The following MAP3K7CL variants were observed in gnomAD, a reference collection of about 807,000 sequenced individuals.
The protein encoded by MAP3K7CL is MAP3K7 C-terminal like.
In MAP3K7CL, 16 loss-of-function variants were observed where a neutral mutation model predicts 18.6. That is an observed-to-expected ratio of 0.86 (90% CI 0.58 to 1.31). The LOEUF (loss-of-function observed/expected upper bound fraction) is 1.31. Among genes scored for constraint, MAP3K7CL ranks in the 50% most tolerant of loss-of-function variants. MAP3K7CL has a pLI of 0.00. For synonymous variants in MAP3K7CL, 65 were observed against 66.8 expected (o/e 0.97, Z 0.13); for missense variants, 163 against 174.4 (o/e 0.93, Z 0.37).
intron 1 of MAP3K7CL, among the ~76,000 whole-genome samples, chr21:29,087,085 G>T (rs544164655): frequency 6.6e-6 from 1 of 152,170 alleles, no homozygotes; most frequent in East Asian, 1.9e-4. Context: ...CCTTCTTTTT[G>T]TTCTTGTGAC....
intron 2 of MAP3K7CL, among the ~76,000 whole-genome samples, chr21:29,137,134 T>C (rs2086903735): frequency 2.6e-5 from 4 of 152,210 alleles, no homozygotes; most frequent in South Asian, 2.1e-4. Flanking sequence ...ATTATGATAA[T>C]TGATTGTGGA....
intron 4 of MAP3K7CL, among the ~76,000 whole-genome samples, chr21:29,171,170 T>C (rs1206342688): frequency 6.6e-6 from 1 of 152,214 alleles, no homozygotes; most frequent in African/African-American, 2.4e-5. Flanking sequence ...TATTTCCTCA[T>C]TTTTAAAACA....
intron 3 of MAP3K7CL, among the ~76,000 whole-genome samples, chr21:29,149,938 C>T (rs2087230738): frequency 6.6e-6 from 1 of 152,198 alleles, no homozygotes; most frequent in South Asian, 2.1e-4. Flanking sequence ...TGGCCTTGGG[C>T]CAGCCATTCA....
intron 4 of MAP3K7CL, chr21:29,109,427 T>G: frequency 7.9e-7 from 1 of 1,266,748 alleles, no homozygotes. Context: ...TGTTAAGTAT[T>G]TCACTAAGTG....
At chr21:29,149,360 G>A in intron 3 of MAP3K7CL, 110 bp downstream of exon 3, 1 of 897,938 alleles carries the variant, frequency 1.1e-6, no homozygotes. Flanking sequence ...CCAGAATGTG[G>A]GGCTTTGAAG....
chr21:29,167,882 G>A (rs887388041), intron 4 of MAP3K7CL, among the ~76,000 whole-genome samples: 2 of 151,872 alleles, frequency 1.3e-5, no homozygotes, highest in Non-Finnish European at 2.9e-5. Context: ...TGTATTTTTA[G>A]TAGAGATGGG....
chr21:29,148,430 G>A (rs1007744444), intron 2 of MAP3K7CL, among the ~76,000 whole-genome samples: 1 of 152,094 alleles, frequency 6.6e-6, no homozygotes, highest in Admixed American at 6.5e-5. Context: ...AGAGATTGGG[G>A]GTGACTTGGA....
chr21:29,090,744 C>T (rs2086011799), intron 1 of MAP3K7CL, among the ~76,000 whole-genome samples: 1 of 151,860 alleles, frequency 6.6e-6, no homozygotes, highest in Non-Finnish European at 1.5e-5. Context: ...ATCATCAAGC[C>T]TGTGGCCTTC....
intron 4 of MAP3K7CL, among the ~76,000 whole-genome samples, chr21:29,096,276 C>A (rs1362853897): frequency 1.3e-5 from 2 of 152,168 alleles, no homozygotes; most frequent in African/African-American, 4.8e-5. Flanking sequence ...TACTTTGGGC[C>A]AAGCACTATT....
At position 29,123,432 on chromosome 21, in the gene MAP3K7CL, T is replaced by A. The variant is rs576908252; in HGVS notation, c.371-25757T>A. Among the ~76,000 whole-genome samples the A allele has an allele frequency of 2.0e-5, 3 of 152,150 alleles. No homozygotes were observed. In the South Asian group the frequency reaches 6.2e-4, roughly 32 times the overall value. ...GCAAAAAAAGAAAGTCACATCTGAA[T>A]CTGACCGAGTTTCTAGATCCAATGG... On this transcript the variant is annotated intron_variant, in intron 4 of 6. Transcript: ENST00000286791.
chr21:29,113,527 C>T (rs1227465187), intron 4 of MAP3K7CL, among the ~76,000 whole-genome samples: 2 of 152,154 alleles, frequency 1.3e-5, no homozygotes, highest in Non-Finnish European at 2.9e-5. Context: ...GATCTCAGCT[C>T]ATTGCAACCT....
At chr21:29,116,290 A>G (rs914489873) in intron 4 of MAP3K7CL, among the ~76,000 whole-genome samples, 3 of 152,380 alleles carry the variant, frequency 2.0e-5, no homozygotes, top group Non-Finnish European at 4.4e-5. Context: ...AGTAAATGAC[A>G]TCTGGGATCT....
intron 2 of MAP3K7CL, among the ~76,000 whole-genome samples, chr21:29,146,451 G>T (rs1321158785): frequency 6.6e-6 from 1 of 152,186 alleles, no homozygotes; most frequent in Non-Finnish European, 1.5e-5. Flanking sequence ...GGTGACAAGT[G>T]TATTATTTTT....
At chr21:29,135,548 A>G (rs1334685652) in intron 2 of MAP3K7CL, among the ~76,000 whole-genome samples, 2 of 152,198 alleles carry the variant, frequency 1.3e-5, no homozygotes, top group African/African-American at 4.8e-5. Flanking sequence ...CAGGAACTTA[A>G]TTTATGTACA....
intron 2 of MAP3K7CL, among the ~76,000 whole-genome samples, chr21:29,147,639 C>G (rs910605728): frequency 1.3e-5 from 2 of 149,356 alleles, no homozygotes; most frequent in Non-Finnish European, 3.0e-5. Flanking sequence ...TATACCTGTA[C>G]TGTATGTGTG....
At chr21:29,114,412 A>G (rs1357686944) in intron 4 of MAP3K7CL, among the ~76,000 whole-genome samples, 1 of 151,392 alleles carries the variant, frequency 6.6e-6, no homozygotes, top group Non-Finnish European at 1.5e-5. Context: ...TATTTTTGAG[A>G]CAGGGCCTTG....
At chr21:29,084,372 C>T (rs1182115149), upstream of MAP3K7CL, among the ~76,000 whole-genome samples, 1 of 152,116 alleles carries the variant, frequency 6.6e-6, no homozygotes, top group African/African-American at 2.4e-5. Flanking sequence ...CTAATTGATT[C>T]ATGTAAGATG....
At chr21:29,118,601 C>T (rs2086542929) in intron 4 of MAP3K7CL, among the ~76,000 whole-genome samples, 1 of 152,166 alleles carries the variant, frequency 6.6e-6, no homozygotes, top group Admixed American at 6.5e-5. Context: ...GAAATGACTA[C>T]ACAGACAAGG....
At chr21:29,166,162 C>G (rs2087682255) in intron 4 of MAP3K7CL, among the ~76,000 whole-genome samples, 2 of 152,112 alleles carry the variant, frequency 1.3e-5, no homozygotes, top group African/African-American at 4.8e-5. Flanking sequence ...ACCCCTCTTC[C>G]TACCACCCTC....
Sources: gnomAD v4.1 joint callset for allele counts (sites outside exome capture counted in the v4.1 genomes callset) on GRCh38, gnomAD v4.1.1 for gene constraint, MANE v1.5 for transcripts, NCBI Gene and HGNC (gene_info 2026-07-23, HGNC 2026-07-21) for gene names.